SLC24A3: variants seen among roughly 807,000 people sequenced by gnomAD.
SLC24A3 encodes the protein sodium/potassium/calcium exchanger 3.
Under a neutral mutation model 75.8 loss-of-function variants are expected in SLC24A3, and 28 were observed. The observed-to-expected ratio is 0.37, with a 90% CI of 0.27 to 0.51. The LOEUF is 0.51. Ranked by LOEUF, SLC24A3 falls within the 20% of genes least tolerant of loss-of-function variation. The pLI is 0.94. For synonymous variants in SLC24A3, 372 were observed against 334.1 expected (o/e 1.11, Z -1.24); for missense variants, 663 against 847.8 (o/e 0.78, Z 2.71).
chr20:19,551,605 C>A (rs551800067), intron 3 of SLC24A3, among the ~76,000 whole-genome samples: 1 of 151,602 alleles, frequency 6.6e-6, no homozygotes, highest in Admixed American at 6.6e-5. Context: ...TCCTCATGTG[C>A]GGTTTCCTCC....
chr20:19,338,097 A>G (rs1985179255), intron 2 of SLC24A3, among the ~76,000 whole-genome samples: 3 of 152,186 alleles, frequency 2.0e-5, no homozygotes, highest in Admixed American at 1.3e-4. Context: ...GTAATTATCT[A>G]TCACATTGGC....
At chr20:19,328,857 C>T (rs1984929842) in intron 2 of SLC24A3, among the ~76,000 whole-genome samples, 1 of 152,172 alleles carries the variant, frequency 6.6e-6, no homozygotes, top group Non-Finnish European at 1.5e-5. Context: ...GGGGATTCCC[C>T]ACAGGAGCAA....
At chr20:19,607,382 C>T (rs1395624548) in intron 6 of SLC24A3, among the ~76,000 whole-genome samples, 1 of 152,156 alleles carries the variant, frequency 6.6e-6, no homozygotes, top group Non-Finnish European at 1.5e-5. Context: ...TCCTCTGGCA[C>T]CCCACTCCTC....
intron 8 of SLC24A3, among the ~76,000 whole-genome samples, chr20:19,666,708 G>A: frequency 6.6e-6 from 1 of 152,046 alleles, no homozygotes; most frequent in East Asian, 1.9e-4. Context: ...AATTGGCCCG[G>A]CATGGTGGCT....
At chr20:19,596,291 AT>A (rs1299123950) in intron 6 of SLC24A3, among the ~76,000 whole-genome samples, 2 of 151,738 alleles carry the variant, frequency 1.3e-5, no homozygotes, top group African/African-American at 4.9e-5. Flanking sequence ...TCTTTAGAAT[AT>A]TTTTTGGAGG....
At chr20:19,310,101 A>C (rs1044906932) in intron 2 of SLC24A3, among the ~76,000 whole-genome samples, 3 of 152,182 alleles carry the variant, frequency 2.0e-5, no homozygotes, top group African/African-American at 7.2e-5. Context: ...AGTTCATTCC[A>C]TCTTCTGGCT....
chr20:19,264,267 G>C (rs1983091472), intron 1 of SLC24A3: 1 of 152,190 alleles, frequency 6.6e-6, no homozygotes, highest in African/African-American at 2.4e-5. Context: ...TACCTTCAGG[G>C]CTGACATCAC....
chr20:19,661,549 C>A (rs1339237587), intron 7 of SLC24A3, among the ~76,000 whole-genome samples: 1 of 152,150 alleles, frequency 6.6e-6, no homozygotes, highest in East Asian at 1.9e-4. Context: ...GTTTTCTTTG[C>A]AGCAAGGAAG....
intron 15 of SLC24A3, among the ~76,000 whole-genome samples, chr20:19,711,387 T>C (rs1351490471): frequency 3.3e-5 from 4 of 119,554 alleles, no homozygotes; most frequent in Admixed American, 1.7e-4. Flanking sequence ...AACGCACACA[T>C]ATCCACACAT....
At chr20:19,577,803 TA>T (rs2031161910) in intron 3 of SLC24A3, among the ~76,000 whole-genome samples, 1 of 152,274 alleles carries the variant, frequency 6.6e-6, no homozygotes, top group Non-Finnish European at 1.5e-5. Flanking sequence ...CAATCCCTTT[TA>T]AGGGCGTCTT....
rs35788983 is a variant in SLC24A3 at position 19,533,993 on chromosome 20, C to T, written c.348+18429C>T. 6.7e-3 allele frequency among the ~76,000 whole-genome samples: 1,028 copies of T among 152,324 alleles called. 4 individuals are homozygous for T. Among genetic ancestry groups the T allele is most frequent in the Non-Finnish European group, 0.012 (797 of 68,022 alleles). On this transcript the variant is annotated intron_variant, in intron 3 of 16. Coordinates refer to ENST00000328041, the MANE Select transcript of SLC24A3 (RefSeq NM_020689.4). Reference sequence around the variant, plus strand: ...AAGGCTGCATAAAAGAACAGAAGCCCTGGGGCAGTGGTGTTTGCAGGGTTC... The same window carrying T: ...AAGGCTGCATAAAAGAACAGAAGCCTTGGGGCAGTGGTGTTTGCAGGGTTC...
intron 1 of SLC24A3, among the ~76,000 whole-genome samples, chr20:19,277,903 T>C (rs1473247697): frequency 6.6e-6 from 1 of 152,166 alleles, no homozygotes; most frequent in Non-Finnish European, 1.5e-5. Flanking sequence ...TTCCTGAGCA[T>C]TAAGATTACA....
chr20:19,408,350 C>G (rs746042511), intron 2 of SLC24A3, among the ~76,000 whole-genome samples: 2 of 151,678 alleles, frequency 1.3e-5, no homozygotes, highest in Admixed American at 1.3e-4. Context: ...AATAATTTTC[C>G]CCTTTTTCTA....
rs150240114 is a variant in SLC24A3 at position 19,684,188 on chromosome 20, G to A, written c.914G>A (p.Arg305His). The A allele has an allele frequency of 1.8e-4, 290 of 1,612,774 alleles. 4 individuals are homozygous for A. In the Middle Eastern group the frequency reaches 1.8e-3, roughly 10 times the overall value. The change falls in exon 11 of 17, where the codon CGC becomes CAC. Residue 305 changes from arginine to histidine, a missense_variant. By Grantham distance (29) the Arg-to-His change is conservative. Transcript: ENST00000328041. ...TTCGTTTCCCTAGCAAATTTCCACC[G>A]CAAAGCATCAGTGATCATGGTAGAC... Reference protein sequence around the residue: ...VVLLKKANFHRKASVIMVDEL... With the variant: ...VVLLKKANFHHKASVIMVDEL...
intron 12 of SLC24A3, among the ~76,000 whole-genome samples, chr20:19,692,481 A>C (rs1213234532): frequency 1.3e-5 from 2 of 152,228 alleles, no homozygotes; most frequent in Non-Finnish European, 2.9e-5. Flanking sequence ...AATGAATCTC[A>C]ATCACATTAT....
chr20:19,441,653 A>G (rs1281823081), intron 2 of SLC24A3, among the ~76,000 whole-genome samples: 2 of 152,138 alleles, frequency 1.3e-5, no homozygotes, highest in Non-Finnish European at 2.9e-5. Context: ...ATTTATTACG[A>G]TTGATGAACA....
At chr20:19,454,126 T>G (rs1458789679) in intron 2 of SLC24A3, among the ~76,000 whole-genome samples, 1 of 152,148 alleles carries the variant, frequency 6.6e-6, no homozygotes, top group Non-Finnish European at 1.5e-5. Flanking sequence ...GCCAGTGATT[T>G]AGAGGCGGGT....
At chr20:19,662,214 C>T (rs556155665) in intron 7 of SLC24A3, among the ~76,000 whole-genome samples, 1 of 152,238 alleles carries the variant, frequency 6.6e-6, no homozygotes, top group African/African-American at 2.4e-5. Context: ...CAGAGCCTGG[C>T]CCCCAAACAG....
At chr20:19,384,281 T>G (rs1475894520) in intron 2 of SLC24A3, among the ~76,000 whole-genome samples, 1 of 152,212 alleles carries the variant, frequency 6.6e-6, no homozygotes, top group Non-Finnish European at 1.5e-5. Context: ...CTCCAGAACT[T>G]ATTCATCCTG....
Sources: allele counts gnomAD v4.1 joint callset (sites outside exome capture counted in the v4.1 genomes callset), GRCh38; gene constraint gnomAD v4.1.1; transcripts MANE v1.5; gene names NCBI Gene and HGNC (gene_info 2026-07-23, HGNC 2026-07-21).